Variants in PNPLA8 observed in about 807,000 individuals in gnomAD.
PNPLA8 encodes the protein calcium-independent phospholipase A2-gamma.
A neutral mutation model predicts 76.9 loss-of-function variants in PNPLA8; 39 were observed. The ratio of observed to expected loss-of-function variants is 0.51; its 90% CI spans 0.39 to 0.66. The LOEUF (loss-of-function observed/expected upper bound fraction) is 0.66. PNPLA8 is among the 30% of genes least tolerant of loss of function. The pLI, the probability that PNPLA8 is intolerant of heterozygous loss-of-function variation, is 0.00. For missense variants in PNPLA8, 887 were observed against 918.0 expected, an observed-to-expected ratio of 0.97 and a Z score of 0.44; for synonymous variants, 301 against 307.9, an observed-to-expected ratio of 0.98 and a Z score of 0.24.
intron 7 of PNPLA8, among the ~76,000 whole-genome samples, chr7:108,495,507 A>G (rs1861483748): frequency 6.6e-6 from 1 of 152,074 alleles, no homozygotes; most frequent in East Asian, 1.9e-4. Context: ...AAAACACATC[A>G]CCATGTTAAT....
intron 9 of PNPLA8, among the ~76,000 whole-genome samples, chr7:108,487,498 T>A (rs1196868958): frequency 1.3e-5 from 2 of 152,188 alleles, no homozygotes; most frequent in Admixed American, 1.3e-4. Context: ...ACTCTCACTT[T>A]TCCATCATAA....
chr7:108,522,033 C>T (rs189373651), intron 1 of PNPLA8, among the ~76,000 whole-genome samples: 30 of 151,734 alleles, frequency 2.0e-4, no homozygotes, highest in African/African-American at 5.6e-4. Context: ...TGGTGGCTCA[C>T]GCCTGTACTC....
At chr7:108,501,315 G>A (rs969873043) in intron 5 of PNPLA8, among the ~76,000 whole-genome samples, 3 of 152,218 alleles carry the variant, frequency 2.0e-5, no homozygotes, top group African/African-American at 7.2e-5. Context: ...AACAAAGACT[G>A]AGTAGGAAGC....
chr7:108,502,270 C>T (rs1054805459), intron 5 of PNPLA8, among the ~76,000 whole-genome samples: 10 of 151,692 alleles, frequency 6.6e-5, no homozygotes, highest in African/African-American at 2.4e-4. Flanking sequence ...TGGTGAAACC[C>T]TGTCTCCACT....
intron 4 of PNPLA8, among the ~76,000 whole-genome samples, chr7:108,504,269 T>A (rs1229757204): frequency 2.0e-5 from 3 of 152,196 alleles, no homozygotes. Context: ...AGAAAAACTA[T>A]AACGTATGTG....
At chr7:108,508,836 C>T (rs1278714016) in intron 4 of PNPLA8, among the ~76,000 whole-genome samples, 1 of 147,224 alleles carries the variant, frequency 6.8e-6, no homozygotes, top group Non-Finnish European at 1.5e-5. Flanking sequence ...AGATATAGAT[C>T]AATGGAACAG....
chr7:108,504,429 T>C (rs1171952330), intron 4 of PNPLA8, among the ~76,000 whole-genome samples: 1 of 152,020 alleles, frequency 6.6e-6, no homozygotes, highest in Non-Finnish European at 1.5e-5. Context: ...ATGGAAGATG[T>C]AAAAGACACC....
rs1166170225 is a variant in PNPLA8 at position 108,505,781 on chromosome 7, A to T, written c.1207-3139T>A. On this transcript the variant is annotated intron_variant, in intron 4 of 10. Coordinates refer to ENST00000257694, the MANE Select transcript of PNPLA8 (RefSeq NM_001256007.3). ...TAAGAATATCTGTTCATCAAAAAAC[A>T]CAAGAGTGAGAAGGTCAGCCACGGA... Among the ~76,000 whole-genome samples, 8 of 152,314 alleles carry T rather than the reference A, an allele frequency of 5.3e-5. No homozygotes were observed. The East Asian group carries it at 1.5e-3, about 29-fold the overall frequency.
At chr7:108,513,555 TTAA>T (rs1863087165) in intron 4 of PNPLA8, among the ~76,000 whole-genome samples, 1 of 152,076 alleles carries the variant, frequency 6.6e-6, no homozygotes, top group Non-Finnish European at 1.5e-5. Context: ...ACAAATAATC[TTAA>T]TAATATAGAT....
At chr7:108,487,703 G>A (rs1860840417) in intron 9 of PNPLA8, 56 bp downstream of exon 9, 20 of 1,094,048 alleles carry the variant, frequency 1.8e-5, no homozygotes, top group Admixed American at 8.8e-5. Flanking sequence ...TTTAATAAGT[G>A]CTGATTCTTT....
intron 4 of PNPLA8, among the ~76,000 whole-genome samples, chr7:108,513,312 T>C (rs1320962598): frequency 6.6e-6 from 1 of 152,126 alleles, no homozygotes; most frequent in Non-Finnish European, 1.5e-5. Flanking sequence ...TATAGGACCA[T>C]AAAATAGTGA....
At position 108,514,291 on chromosome 7, in the gene PNPLA8, A is replaced by C; in HGVS notation, c.1059T>G (p.Ile353Met). 1 of 1,608,180 alleles carries C rather than the reference A, an allele frequency of 6.2e-7. No homozygotes were observed. Among genetic ancestry groups the C allele is most frequent in the Non-Finnish European group, 8.5e-7 (1 of 1,176,520 alleles). ...TGTTATCAATACTCACCCTTGCGATAATCTACAAAGACATATTAAATAGAT... is the reference window on the plus strand; with the variant it reads ...TGTTATCAATACTCACCCTTGCGATCATCTACAAAGACATATTAAATAGAT... ...KKRLSLQREK[I>M]IARVSIDNRT... is the part of the protein sequence containing the mutation. Residue 353 changes from isoleucine (I) to methionine (M), a missense_variant and splice_region_variant, in exon 4 of 11, where the codon ATT becomes ATG. Physicochemically the swap from Ile to Met is conservative, Grantham distance 10. Coordinates refer to ENST00000257694, the MANE Select transcript of PNPLA8 (RefSeq NM_001256007.3).
At position 108,497,575 on chromosome 7, in the gene PNPLA8, C is replaced by T. The variant is rs750365649; in HGVS notation, c.1361G>A (p.Gly454Asp). ...ILSIDGGGTR[G>D]VVALQTLRKL... ...TCGTAGGGTCTGGAGAGCAACCACG[C>T]CCCTACAGAAAAGATTAAAGACAAA... The change falls in exon 6 of 11, where the codon GGC becomes GAC. Residue 454 changes from glycine to aspartate, a missense_variant and splice_region_variant. Physicochemically the swap from Gly to Asp is moderately conservative, Grantham distance 94. Transcript: ENST00000257694. 6.4e-7 allele frequency: 1 copy of T among 1,567,626 alleles called. No individual in the cohort carries two copies. The highest frequency in any genetic ancestry group is 1.2e-5 in the South Asian group (1 of 83,934).
intron 4 of PNPLA8, 69 bp downstream of exon 4, chr7:108,514,075 T>G: frequency 9.3e-7 from 1 of 1,073,098 alleles, no homozygotes; most frequent in Non-Finnish European, 1.4e-6. Context: ...GGCTTTGCCT[T>G]CTCCATTTTA....
intron 4 of PNPLA8, chr7:108,511,017 A>G (rs1426086847): frequency 1.9e-6 from 2 of 1,057,014 alleles, no homozygotes; most frequent in Non-Finnish European, 1.4e-6. Context: ...GTTGGTTAAT[A>G]AACAGTACCT....
chr7:108,511,469 A>G (rs1862928739), intron 4 of PNPLA8, among the ~76,000 whole-genome samples: 1 of 152,194 alleles, frequency 6.6e-6, no homozygotes, highest in South Asian at 2.1e-4. Context: ...TAACTCAATC[A>G]AGCCATTATA....
At chr7:108,499,450 A>T (rs556129154) in intron 5 of PNPLA8, among the ~76,000 whole-genome samples, 1 of 152,268 alleles carries the variant, frequency 6.6e-6, no homozygotes, top group African/African-American at 2.4e-5. Context: ...TTTTTCTCTC[A>T]ATCCCTCATA....
intron 9 of PNPLA8, among the ~76,000 whole-genome samples, chr7:108,485,304 T>G (rs1275146870): frequency 6.6e-6 from 1 of 152,168 alleles, no homozygotes; most frequent in Non-Finnish European, 1.5e-5. Flanking sequence ...CAAAGAATTC[T>G]TCTCACTTTA....
chr7:108,515,544 A>C lies in PNPLA8; in HGVS notation c.-53T>G. On this transcript the variant is annotated 5_prime_UTR_variant, in exon 3 of 11. An upstream start codon of the reference 5' UTR is lost. Coordinates refer to ENST00000257694, the MANE Select transcript of PNPLA8 (RefSeq NM_001256007.3). ...CATTCTCTCACTTCTTGAACGCTTC[A>C]TTTAAGAAATGCCATAATTCATGGT... is the stretch of plus-strand genomic sequence containing the variant. 1 of 1,307,758 alleles carries C rather than the reference A, an allele frequency of 7.6e-7. No individual in the cohort carries two copies. The highest frequency in any genetic ancestry group is 3.3e-5 in the Admixed American group (1 of 30,618). 81.0% of individuals were successfully genotyped at this position (1,307,758 alleles called of 1,614,324 possible). A position where few individuals can be genotyped will look rare whatever the true frequency, so the allele number is the denominator to read the frequency against.
Sources: gnomAD v4.1 joint callset for allele counts (sites outside exome capture counted in the v4.1 genomes callset) on GRCh38, gnomAD v4.1.1 for gene constraint, MANE v1.5 for transcripts, NCBI Gene and HGNC (gene_info 2026-07-23, HGNC 2026-07-21) for gene names.